ARAP3: variants seen among roughly 807,000 people sequenced by gnomAD.
ARAP3 encodes the protein arf-GAP with Rho-GAP domain, ANK repeat and PH domain-containing protein 3.
In ARAP3, 82 loss-of-function variants were observed where a neutral mutation model predicts 169.2. The observed-to-expected ratio is 0.48, with a 90% CI of 0.41 to 0.58. The LOEUF is 0.58. Among genes scored for constraint, ARAP3 ranks in the 20% least tolerant of loss-of-function variants. The probability of loss-of-function intolerance (pLI) is 0.00; values close to 1 mark genes in which losing one functional copy is unlikely to be tolerated. For synonymous variants in ARAP3, 791 were observed against 800.3 expected (o/e 0.99, Z 0.20); for missense variants, 1,764 against 2,018.0 (o/e 0.87, Z 2.41).
intron 4 of ARAP3, among the ~76,000 whole-genome samples, chr5:141,675,104 T>C (rs1388675329): frequency 6.6e-6 from 1 of 152,128 alleles, no homozygotes; most frequent in Non-Finnish European, 1.5e-5. Context: ...TTCTCCTCCA[T>C]GTTTCAGAGC....
intron 14 of ARAP3, among the ~76,000 whole-genome samples, 181 bp downstream of exon 14, chr5:141,670,331 C>T (rs1393778619): frequency 6.6e-6 from 1 of 152,122 alleles, no homozygotes; most frequent in Non-Finnish European, 1.5e-5. Context: ...AACAGATGCT[C>T]TTAACTATCA....
intron 13 of ARAP3, 45 bp from the exon 14 acceptor site, chr5:141,670,673 G>A (rs1316842609): frequency 6.5e-7 from 1 of 1,539,426 alleles, no homozygotes; most frequent in Non-Finnish European, 9.0e-7. Flanking sequence ...AGTGCAACGG[G>A]ATAACCTGAC....
chr5:141,675,913 T>C (rs114571691), intron 4 of ARAP3, among the ~76,000 whole-genome samples: 4,728 of 152,216 alleles, frequency 0.031, 114 homozygotes, highest in Admixed American at 0.054. Flanking sequence ...CACTCGTGTC[T>C]AAAGCCAGAC....
At chr5:141,662,299 A>C (rs2099910059) in intron 19 of ARAP3, 44 bp from the exon 20 acceptor site, 1 of 1,590,036 alleles carries the variant, frequency 6.3e-7, no homozygotes, top group African/African-American at 1.3e-5. Flanking sequence ...TGCAAAGGCT[A>C]CCACCACCCA....
At position 141,666,571 on chromosome 5, in the gene ARAP3, A is replaced by C. The variant is rs749485268; in HGVS notation, c.2425T>G (p.Ser809Ala). 6.4e-7 allele frequency: 1 copy of C among 1,553,522 alleles called. No individual in the cohort carries two copies. Among genetic ancestry groups the C allele is most frequent in the Non-Finnish European group, 8.7e-7 (1 of 1,151,488 alleles). The change falls in exon 17 of 33, where the codon TCC (serine) becomes GCC (alanine). Residue 809 changes from serine (S) to alanine (A), a missense_variant. This residue lies in a region of ARAP3 where 1,112 missense variants were observed against 1,285.7 expected (regional missense o/e 0.86). Coordinates refer to ENST00000239440, the MANE Select transcript of ARAP3 (RefSeq NM_022481.6). ...LLRLGRLWLRSPSHTAPAPGL... is the reference protein window; with the variant it reads ...LLRLGRLWLRAPSHTAPAPGL... ...GGGGCCGGGGCTGTATGGGAGGGGG[A>C]CCGCAGCCATAGGCGGCCCAGCCGC...
chr5:141,672,211 A>G lies in ARAP3; in HGVS notation c.1476T>C (p.Ala492=). Residue 492 remains alanine, a synonymous_variant, in exon 10 of 33, where the codon GCT becomes GCC. Transcript: ENST00000239440. This position sits in a 1 kb window ranked among gnomAD's most constrained non-coding sequence, Gnocchi z 4.9. ...TGGCCCGATTAGACCAGATCTTCTC[A>G]GCCACCTCGTAGTCAGACAGGGTCT... ...VTETLSDYEV[A]EKIWSNRANR... is the part of the protein sequence containing the mutation. 1 of 1,614,176 alleles carries G rather than the reference A, an allele frequency of 6.2e-7. No individual in the cohort carries two copies. Among genetic ancestry groups the G allele is most frequent in the East Asian group, 2.2e-5 (1 of 44,876 alleles).
Position 141,671,167 on chromosome 5 carries a change from C to A in ARAP3, c.1990+98G>T. ...GTTTGGGAAACTGCCCAGGCTGGGCCATTGTGATCAGCTAATTGGGGCCCC... is the reference window on the plus strand; with the variant it reads ...GTTTGGGAAACTGCCCAGGCTGGGCAATTGTGATCAGCTAATTGGGGCCCC... On this transcript the variant is annotated intron_variant, in intron 13 of 32. Coordinates refer to ENST00000239440, the MANE Select transcript of ARAP3 (RefSeq NM_022481.6). This position sits in a 1 kb window ranked among gnomAD's most constrained non-coding sequence, Gnocchi z 4.9. 6.8e-7 allele frequency: 1 copy of A among 1,475,852 alleles called. No individual in the cohort carries two copies. The highest frequency in any genetic ancestry group is 9.2e-7 in the Non-Finnish European group (1 of 1,092,692). 91.4% of individuals were successfully genotyped at this position (1,475,852 alleles called of 1,614,324 possible). A position where few individuals can be genotyped will look rare whatever the true frequency, so the allele number is the denominator to read the frequency against.
rs2099909661 is a variant in ARAP3 at position 141,659,493 on chromosome 5, A to G, written c.3268-17T>C. 8.1e-6 allele frequency: 13 copies of G among 1,613,796 alleles called. No homozygotes were observed. The highest frequency in any genetic ancestry group is 3.3e-4 in the Middle Eastern group (2 of 6,084). Reference sequence around the variant, plus strand: ...AGAATCGATCTGTGAAAGAGCCAAAAGAGAGTGTTGGGGTGCTGGAAGAGG... The same window carrying G: ...AGAATCGATCTGTGAAAGAGCCAAAGGAGAGTGTTGGGGTGCTGGAAGAGG... On this transcript the variant is annotated splice_polypyrimidine_tract_variant and intron_variant, in intron 22 of 32. Transcript: ENST00000239440.
At chr5:141,679,028 C>G (rs934322379) in intron 4 of ARAP3, among the ~76,000 whole-genome samples, 1 of 152,024 alleles carries the variant, frequency 6.6e-6, no homozygotes, top group Non-Finnish European at 1.5e-5. Flanking sequence ...GTGGCTCATG[C>G]CTGTAATCCC....
In ARAP3 at chr5:141,671,775, G is replaced by A; in HGVS notation, c.1672-23C>T. On this transcript the variant is annotated intron_variant, in intron 11 of 32. Transcript: ENST00000239440. The surrounding 1 kb of genome is among the most constrained non-coding windows in gnomAD (Gnocchi z 4.9). ...TAACTGTGGGATGACAAGGGACAAA[G>A]GCAGGTGACAGGAACTCAAGAGTCC... 2 of 1,597,508 alleles carry A rather than the reference G, an allele frequency of 1.3e-6. No individual in the cohort carries two copies. The highest frequency in any genetic ancestry group is 1.7e-6 in the Non-Finnish European group (2 of 1,170,422).
At chr5:141,668,053 T>C (rs2099910907) in intron 16 of ARAP3, among the ~76,000 whole-genome samples, 1 of 150,278 alleles carries the variant, frequency 6.7e-6, no homozygotes, top group Admixed American at 6.6e-5. Context: ...AAAAAGAAAA[T>C]AATAATAATA....
chr5:141,668,895 C>T (rs1418288445), intron 16 of ARAP3, among the ~76,000 whole-genome samples: 1 of 152,158 alleles, frequency 6.6e-6, no homozygotes, highest in Non-Finnish European at 1.5e-5. Flanking sequence ...AGGGGAACTG[C>T]AGGCTGCACA....
chr5:141,681,745 A>G (rs1214976972), intron 1 of ARAP3, among the ~76,000 whole-genome samples: 1 of 150,504 alleles, frequency 6.6e-6, no homozygotes, highest in African/African-American at 2.5e-5. Context: ...TCTCCCTGTT[A>G]CTCTTGTGCT....
At position 141,666,611 on chromosome 5, in the gene ARAP3, C is replaced by T. The variant is rs2099910677; in HGVS notation, c.2385G>A (p.Leu795=). Residue 795 remains leucine (L), a synonymous_variant, in exon 17 of 33, where the codon CTG becomes CTA. Transcript: ENST00000239440. The part of the protein sequence containing the change: ...WFSPLSCHQL[L]GPGLLRLGRL... Reference sequence around the variant, plus strand: ...GGCCCAGCCGCAGCAGCCCGGGGCCCAGCAGCTGGTGGCAGCTCAGCGGGG... The same window carrying T: ...GGCCCAGCCGCAGCAGCCCGGGGCCTAGCAGCTGGTGGCAGCTCAGCGGGG... 1 of 1,469,578 alleles carries T rather than the reference C, an allele frequency of 6.8e-7. No homozygotes were observed. The highest frequency in any genetic ancestry group is 9.0e-7 in the Non-Finnish European group (1 of 1,105,410). 91.0% of individuals were successfully genotyped at this position (1,469,578 alleles called of 1,614,324 possible).
At chr5:141,661,885 ATGTGT>A in intron 20 of ARAP3, 96 bp from the exon 21 acceptor site, 2 of 1,473,826 alleles carry the variant, frequency 1.4e-6, no homozygotes, top group Non-Finnish European at 1.9e-6. Context: ...TGCAGGATGG[ATGTGT>A]CTCTGCCCCC....
In ARAP3 at chr5:141,666,599, C is replaced by A; in HGVS notation, c.2397G>T (p.Leu799=). The change falls in exon 17 of 33, where the codon CTG becomes CTT. Residue 799 remains leucine (L), a synonymous_variant. Coordinates refer to ENST00000239440, the MANE Select transcript of ARAP3 (RefSeq NM_022481.6). The stretch of plus-strand genomic sequence containing the variant: ...GCAGCCATAGGCGGCCCAGCCGCAG[C>A]AGCCCGGGGCCCAGCAGCTGGTGGC... The part of the protein sequence containing the change: ...LSCHQLLGPG[L]LRLGRLWLRS... 6.7e-7 allele frequency: 1 copy of A among 1,490,842 alleles called. No individual in the cohort carries two copies. The highest frequency in any genetic ancestry group is 1.3e-5 in the South Asian group (1 of 75,744). 92.4% of individuals were successfully genotyped at this position (1,490,842 alleles called of 1,614,324 possible).
At chr5:141,665,638 A>G (rs765292477) in intron 17 of ARAP3, among the ~76,000 whole-genome samples, 6 of 152,122 alleles carry the variant, frequency 3.9e-5, no homozygotes, top group Admixed American at 1.3e-4. Context: ...AAGTCCTAAA[A>G]TATTATCTTA....
chr5:141,680,036 T>A lies in ARAP3; in HGVS notation c.451A>T (p.Thr151Ser), dbSNP rs1310742432. ...ATGGAATTAGGCATCATCTCCACAGTATTTAGGGCTGAAGACTGCTCAGAG... is the reference window on the plus strand; with the variant it reads ...ATGGAATTAGGCATCATCTCCACAGAATTTAGGGCTGAAGACTGCTCAGAG... ...SSSEQSSALN[T>S]VEMMPNSIYF... Residue 151 changes from threonine (T) to serine (S), a missense_variant, in exon 2 of 33, where the codon ACT becomes TCT. Thr to Ser is a moderately conservative substitution (Grantham distance 58). Transcript: ENST00000239440. 6 of 1,614,072 alleles carry A rather than the reference T, an allele frequency of 3.7e-6. No homozygotes were observed. Among genetic ancestry groups the A allele is most frequent in the Non-Finnish European group, 5.1e-6 (6 of 1,180,018 alleles).
At chr5:141,655,597 T>C (rs1223456466) in intron 31 of ARAP3, 24 bp downstream of exon 31, 13 of 1,613,628 alleles carry the variant, frequency 8.1e-6, no homozygotes, top group Middle Eastern at 1.7e-4. Flanking sequence ...AGGAATCGGG[T>C]TGGGGCAGGG....
Sources: gnomAD v4.1 joint callset for allele counts (sites outside exome capture counted in the v4.1 genomes callset) on GRCh38, gnomAD v4.1.1 for gene constraint, gnomAD v4.1.1 regional missense constraint, Gnocchi (gnomAD v3.1) non-coding constraint, MANE v1.5 for transcripts, NCBI Gene and HGNC (gene_info 2026-07-23, HGNC 2026-07-21) for gene names.